The following LGI2 variants were observed in gnomAD, a reference collection of about 807,000 sequenced individuals.
LGI2 encodes the protein leucine rich repeat LGI family member 2.
In LGI2, 30 loss-of-function variants were observed where a neutral mutation model predicts 52.0. The ratio of observed to expected loss-of-function variants is 0.58; its 90% CI spans 0.43 to 0.78. LGI2 has a LOEUF of 0.78. Ranked by LOEUF, LGI2 falls within the 30% of genes least tolerant of loss-of-function variation. The probability of loss-of-function intolerance (pLI) is 0.00; values close to 1 mark genes in which losing one functional copy is unlikely to be tolerated. For synonymous variants in LGI2, 270 were observed against 271.8 expected, an observed-to-expected ratio of 0.99 and a Z score of 0.06; for missense variants, 573 against 692.5, an observed-to-expected ratio of 0.83 and a Z score of 1.94.
At chr4:24,994,719 C>A (rs1463970826), downstream of LGI2, among the ~76,000 whole-genome samples, 1 of 152,130 alleles carries the variant, frequency 6.6e-6, no homozygotes, top group Non-Finnish European at 1.5e-5. Context: ...CCTTATCAGT[C>A]ATAAAGGGTG....
chr4:25,003,661 G>T lies in LGI2; in HGVS notation c.1428C>A (p.His476Gln). 1 of 1,614,178 alleles carries T rather than the reference G, an allele frequency of 6.2e-7. No homozygotes were observed. Among genetic ancestry groups the T allele is most frequent in the Non-Finnish European group, 8.5e-7 (1 of 1,180,030 alleles). Residue 476 changes from histidine to glutamine, a missense_variant, in exon 8 of 8, where the codon CAC becomes CAA. Coordinates refer to ENST00000382114, the MANE Select transcript of LGI2 (RefSeq NM_018176.4). ...TLQPFSFKDN[H>Q]YLALGSDYTF... The stretch of plus-strand genomic sequence containing the variant: ...TATAGTCACTCCCCAGGGCCAGGTA[G>T]TGATTATCTTTAAAAGAAAAGGGCT...
intron 4 of LGI2, among the ~76,000 whole-genome samples, chr4:25,021,727 T>G (rs530412106): frequency 6.6e-6 from 1 of 152,088 alleles, no homozygotes; most frequent in South Asian, 2.1e-4. Context: ...GTCAGGAGAT[T>G]GAGACCATCC....
intron 7 of LGI2, among the ~76,000 whole-genome samples, chr4:25,009,446 CA>C (rs1725503112): frequency 6.6e-6 from 1 of 152,126 alleles, no homozygotes; most frequent in Non-Finnish European, 1.5e-5. Flanking sequence ...CCCAAGCCTT[CA>C]AATCTTCCCA....
At chr4:25,008,755 AC>A (rs1725474164) in intron 7 of LGI2, among the ~76,000 whole-genome samples, 1 of 151,844 alleles carries the variant, frequency 6.6e-6, no homozygotes, top group Non-Finnish European at 1.5e-5. Flanking sequence ...TGATGTTGGA[AC>A]TCATTTCTTA....
intron 4 of LGI2, among the ~76,000 whole-genome samples, chr4:25,021,129 T>C (rs2109420936): frequency 6.7e-6 from 1 of 148,590 alleles, no homozygotes; most frequent in East Asian, 2.0e-4. Context: ...AAGCAGAGAG[T>C]TTAGCAACGT....
At chr4:24,998,668 G>C (rs1296396737), downstream of LGI2, among the ~76,000 whole-genome samples, 1 of 152,114 alleles carries the variant, frequency 6.6e-6, no homozygotes, top group African/African-American at 2.4e-5. Context: ...AGTGACTTTT[G>C]GGTGATTTTT....
chr4:25,025,163 G>T (rs56192172), intron 3 of LGI2, among the ~76,000 whole-genome samples: 1 of 152,066 alleles, frequency 6.6e-6, no homozygotes, highest in South Asian at 2.1e-4. Context: ...AACATCCTGG[G>T]GAGAAATAAA....
chr4:25,022,441 G>A (rs1726001873), intron 4 of LGI2, among the ~76,000 whole-genome samples: 1 of 152,138 alleles, frequency 6.6e-6, no homozygotes, highest in African/African-American at 2.4e-5. Context: ...CTGAGGAGAG[G>A]CTTGACTTGT....
At chr4:25,020,875 C>T (rs115730290) in intron 4 of LGI2, among the ~76,000 whole-genome samples, 1 of 152,194 alleles carries the variant, frequency 6.6e-6, no homozygotes, top group African/African-American at 2.4e-5. Flanking sequence ...ACATTTTTAA[C>T]TGTGTTGGAA....
intron 4 of LGI2, among the ~76,000 whole-genome samples, chr4:25,021,317 G>A (rs2109421131): frequency 6.6e-6 from 1 of 152,236 alleles, no homozygotes; most frequent in Middle Eastern, 3.4e-3. Context: ...TGGGACTGCT[G>A]GAAACAAATG....
At chr4:25,023,593 T>G (rs1726045379) in intron 4 of LGI2, among the ~76,000 whole-genome samples, 1 of 152,186 alleles carries the variant, frequency 6.6e-6, no homozygotes, top group Admixed American at 6.5e-5. Context: ...GTTTCCTCAT[T>G]AGATGACTAT....
chr4:25,003,247 G>A lies in LGI2; in HGVS notation c.*204C>T. 2.1e-6 allele frequency: 1 copy of A among 469,136 alleles called. No homozygotes were observed. Among genetic ancestry groups the A allele is most frequent in the Non-Finnish European group, 3.7e-6 (1 of 269,298 alleles). The allele number at this position is 469,136 out of a possible 1,614,324, so 29.1% of individuals were successfully genotyped here. A position where few individuals can be genotyped will look rare whatever the true frequency, so the allele number is the denominator to read the frequency against. ...CAGGCTTTAAGATTTTTTTTTAAAT[G>A]GTAGAATGGGCATGTCATGCAGTTA... On this transcript the variant is annotated 3_prime_UTR_variant, in exon 8 of 8. Coordinates refer to ENST00000382114, the MANE Select transcript of LGI2 (RefSeq NM_018176.4).
In LGI2 at chr4:25,019,240, T is replaced by C. The variant is rs771484354; in HGVS notation, c.414-2A>G. ...TTTATGTGGTTATTGGCCAAAGAAC[T>C]AGAACAAGAAAGTCACATTGCAATG... On this transcript the variant is annotated splice_acceptor_variant, in intron 4 of 7. Coordinates refer to ENST00000382114, the MANE Select transcript of LGI2 (RefSeq NM_018176.4). LOFTEE classifies it high-confidence loss of function. 7 of 1,599,440 alleles carry C rather than the reference T, an allele frequency of 4.4e-6. No homozygotes were observed. Among genetic ancestry groups the C allele is most frequent in the Non-Finnish European group, 6.0e-6 (7 of 1,169,166 alleles).
intron 4 of LGI2, among the ~76,000 whole-genome samples, chr4:25,020,563 G>A (rs62409670): frequency 0.089 from 13,582 of 152,232 alleles, 741 homozygotes; most frequent in South Asian, 0.25. Flanking sequence ...ACACATAAAC[G>A]ACTAACATGT....
At position 25,003,260 on chromosome 4, in the gene LGI2, T is replaced by C. The variant is rs114789043; in HGVS notation, c.*191A>G. 6.6e-3 allele frequency: 3,302 copies of C among 500,498 alleles called. 12 individuals are homozygous for C. The highest frequency in any genetic ancestry group is 9.7e-3 in the Non-Finnish European group (2,789 of 287,738). The allele number at this position is 500,498 out of a possible 1,614,324, so 31.0% of individuals were successfully genotyped here. On this transcript the variant is annotated 3_prime_UTR_variant, in exon 8 of 8. Coordinates refer to ENST00000382114, the MANE Select transcript of LGI2 (RefSeq NM_018176.4). Reference sequence around the variant, plus strand: ...TTTTTTTTAAATGGTAGAATGGGCATGTCATGCAGTTAGCCAATAAATGCA... The same window carrying C: ...TTTTTTTTAAATGGTAGAATGGGCACGTCATGCAGTTAGCCAATAAATGCA...
chr4:24,993,258 C>T, the LGI2 span, among the ~76,000 whole-genome samples: 1 of 152,170 alleles, frequency 6.6e-6, no homozygotes, highest in Non-Finnish European at 1.5e-5. Context: ...GTTGCCTAAC[C>T]ACTCTGGGCC....
intron 4 of LGI2, among the ~76,000 whole-genome samples, chr4:25,019,519 T>G (rs962446172): frequency 6.6e-5 from 10 of 152,282 alleles, no homozygotes; most frequent in South Asian, 2.1e-4. Context: ...CAAAGTTCCT[T>G]CGGTGGCATG....
At chr4:25,028,698 T>C in intron 1 of LGI2, 120 bp from the exon 2 acceptor site, 1 of 787,078 alleles carries the variant, frequency 1.3e-6, no homozygotes, top group Non-Finnish European at 2.1e-6. Flanking sequence ...GAGTGAGGCA[T>C]AGCACAGTTG....
downstream of LGI2, among the ~76,000 whole-genome samples, chr4:24,995,128 C>G (rs1161733722): frequency 6.6e-6 from 1 of 152,182 alleles, no homozygotes; most frequent in African/African-American, 2.4e-5. Context: ...AATGACTTCT[C>G]TCCCTTAAAC....
Sources: allele counts gnomAD v4.1 joint callset (sites outside exome capture counted in the v4.1 genomes callset), GRCh38; gene constraint gnomAD v4.1.1; transcripts MANE v1.5; gene names NCBI Gene and HGNC (gene_info 2026-07-23, HGNC 2026-07-21).